Variants in TBL2 observed in about 807,000 individuals in gnomAD.
TBL2 encodes the protein transducin beta-like protein 2.
In TBL2, 33 loss-of-function variants were observed where a neutral mutation model predicts 41.8. The observed-to-expected ratio is 0.79, with a 90% CI of 0.60 to 1.06. TBL2 has a LOEUF of 1.06. TBL2 is among the 50% of genes least tolerant of loss of function. The pLI is 0.00. For synonymous variants in TBL2, 239 were observed against 241.7 expected, an observed-to-expected ratio of 0.99 and a Z score of 0.10; for missense variants, 522 against 603.8, an observed-to-expected ratio of 0.86 and a Z score of 1.42.
intron 1 of TBL2, chr7:73,574,845 G>A: frequency 2.5e-6 from 1 of 404,180 alleles, no homozygotes; most frequent in Non-Finnish European, 4.7e-6. Context: ...AAACAAAACA[G>A]AGGCTTTGGA....
In TBL2 at chr7:73,578,570, C is replaced by T; in HGVS notation, c.-21G>A. 6.3e-7 allele frequency: 1 copy of T among 1,582,466 alleles called. No homozygotes were observed. The highest frequency in any genetic ancestry group is 1.8e-4 in the Middle Eastern group (1 of 5,696). On this transcript the variant is annotated 5_prime_UTR_variant, in exon 1 of 7. Transcript: ENST00000305632. ...TCCATGTTGGTGGAACCACTGCCAC[C>T]TCAGCTAGTGAGTACGCGGGCGCCC...
chr7:73,571,267 TG>T lies in TBL2; in HGVS notation c.799del (p.Gln267ArgfsTer9), dbSNP rs782320944. On this transcript the variant is annotated frameshift_variant, in exon 6 of 7. Transcript: ENST00000305632. LOFTEE classifies it high-confidence loss of function. ...TAGTTCGAAGGCTCGCACCACCTCC[TG>T]GAACTCCCCCTTCTTTCCAAAGCAG... ...EVCFGKKGEF[Q>X]EVVRAFELKG... 1.2e-6 allele frequency: 2 copies of T among 1,614,200 alleles called. No individual in the cohort carries two copies. The highest frequency in any genetic ancestry group is 2.2e-5 in the East Asian group (1 of 44,886).
At position 73,568,998 on chromosome 7, in the gene TBL2, T is replaced by TG. The variant is rs1228858569; in HGVS notation, c.*1508dup. 6.6e-6 allele frequency: 1 copy of TG among 152,154 alleles called. No individual in the cohort carries two copies. Among genetic ancestry groups the TG allele is most frequent in the Non-Finnish European group, 1.5e-5 (1 of 68,020 alleles). 9.4% of individuals were successfully genotyped at this position (152,154 alleles called of 1,614,324 possible). ...TTATTCCAAGTGTGATGGGAAGCCTTGGGGGGTTTTAACTAGGGAATAATG... is the reference window on the plus strand; with the variant it reads ...TTATTCCAAGTGTGATGGGAAGCCTTGGGGGGGTTTTAACTAGGGAATAATG... On this transcript the variant is annotated 3_prime_UTR_variant, in exon 7 of 7. Coordinates refer to ENST00000305632, the MANE Select transcript of TBL2 (RefSeq NM_012453.4).
chr7:73,572,717 T>C, intron 5 of TBL2, 127 bp downstream of exon 5: 1 of 1,368,008 alleles, frequency 7.3e-7, no homozygotes, highest in Non-Finnish European at 1.0e-6. Flanking sequence ...AGCTGAGACT[T>C]GAAGCTCGGG....
chr7:73,578,329 C>A (rs1554589419), intron 1 of TBL2, 91 bp downstream of exon 1: 1 of 1,536,154 alleles, frequency 6.5e-7, no homozygotes, highest in East Asian at 2.5e-5. Context: ...CCGGGCCCCA[C>A]CAGCCGCGGG....
rs1793135177 is a variant in TBL2 at position 73,574,003 on chromosome 7, G to A, written c.381C>T (p.His127=). 5.6e-6 allele frequency: 9 copies of A among 1,614,216 alleles called. No individual in the cohort carries two copies. The highest frequency in any genetic ancestry group is 6.8e-6 in the Non-Finnish European group (8 of 1,180,052). The stretch of plus-strand genomic sequence containing the variant: ...GCTCCACGTTGGCTCTCATGCTGCG[G>A]TGCTCTCGCTGCAGGAAGTCCTTGG... ...WSTKDFLQRE[H]RSMRANVELD... is the part of the protein sequence containing the mutation. Residue 127 remains histidine, a synonymous_variant, in exon 3 of 7, where the codon CAC becomes CAT. Coordinates refer to ENST00000305632, the MANE Select transcript of TBL2 (RefSeq NM_012453.4).
intron 1 of TBL2, chr7:73,574,806 T>C (rs2115985459): frequency 2.0e-6 from 1 of 493,378 alleles, no homozygotes; most frequent in Non-Finnish European, 3.8e-6. Flanking sequence ...AGCAAGACCC[T>C]GTCTCAAAAA....
rs534800195 is a variant in TBL2 at position 73,567,584 on chromosome 7, A to G, written c.*2923T>C. Among the ~76,000 whole-genome samples the G allele has an allele frequency of 1.6e-4, 24 of 152,220 alleles. No individual in the cohort carries two copies. Among genetic ancestry groups the G allele is most frequent in the Non-Finnish European group, 3.2e-4 (22 of 68,008 alleles). On this transcript the variant is annotated 3_prime_UTR_variant, in exon 7 of 7. Transcript: ENST00000305632. ...TTTTTTTGAAAAATTTCACACCCACAGATGTTGAAATTATAATATTAAGAT... is the reference window on the plus strand; with the variant it reads ...TTTTTTTGAAAAATTTCACACCCACGGATGTTGAAATTATAATATTAAGAT...
chr7:73,571,147 G>A (rs1241521647), intron 6 of TBL2, 42 bp downstream of exon 6: 2 of 1,612,172 alleles, frequency 1.2e-6, no homozygotes, highest in East Asian at 2.2e-5. Context: ...TGTCAAGAGG[G>A]GCCAAGAGCC....
chr7:73,574,953 G>T, intron 1 of TBL2: 1 of 310,822 alleles, frequency 3.2e-6, no homozygotes, highest in Non-Finnish European at 6.4e-6. Flanking sequence ...GAGTGGAAAA[G>T]GCGCACTCTC....
intron 1 of TBL2, 74 bp from the exon 2 acceptor site, chr7:73,574,587 C>A (rs1554588542): frequency 6.2e-7 from 1 of 1,602,522 alleles, no homozygotes; most frequent in Admixed American, 1.7e-5. Context: ...ATGAGCCAGG[C>A]ATTGAGTGGA....
rs782468965 is a variant in TBL2, at chr7:73,569,886, A to G, written c.*621T>C. On this transcript the variant is annotated 3_prime_UTR_variant, in exon 7 of 7. Coordinates refer to ENST00000305632, the MANE Select transcript of TBL2 (RefSeq NM_012453.4). The stretch of plus-strand genomic sequence containing the variant: ...AAGCACACTGGTTCCCACTTTTACC[A>G]CTTTCATGACATTGGACAATAGTAC... 4 of 152,204 alleles carry G rather than the reference A, an allele frequency of 2.6e-5. No homozygotes were observed. Among genetic ancestry groups the G allele is most frequent in the Non-Finnish European group, 5.9e-5 (4 of 68,038 alleles). 9.4% of individuals were successfully genotyped at this position (152,204 alleles called of 1,614,324 possible).
chr7:73,578,563 C>CT lies in TBL2; in HGVS notation c.-15dup. 6.3e-7 allele frequency: 1 copy of CT among 1,586,014 alleles called. No homozygotes were observed. The highest frequency in any genetic ancestry group is 8.6e-7 in the Non-Finnish European group (1 of 1,168,452). On this transcript the variant is annotated 5_prime_UTR_variant, in exon 1 of 7. Coordinates refer to ENST00000305632, the MANE Select transcript of TBL2 (RefSeq NM_012453.4). The stretch of plus-strand genomic sequence containing the variant: ...CGAGAGCTCCATGTTGGTGGAACCA[C>CT]TGCCACCTCAGCTAGTGAGTACGCG...
intron 1 of TBL2, chr7:73,578,061 T>G: frequency 1.8e-6 from 1 of 561,136 alleles, no homozygotes; most frequent in East Asian, 3.2e-5. Flanking sequence ...GGGTCATAGA[T>G]GCCCAGTAAA....
intron 1 of TBL2, among the ~76,000 whole-genome samples, chr7:73,576,995 C>T (rs372533109): frequency 2.6e-5 from 4 of 152,020 alleles, no homozygotes; most frequent in African/African-American, 9.7e-5. Flanking sequence ...GGGTGGCTCA[C>T]GCCTGTAATC....
rs782741857 is a variant in TBL2 at position 73,573,434 on chromosome 7, G to C, written c.484C>G (p.Arg162Gly). The C allele has an allele frequency of 1.9e-6, 3 of 1,614,086 alleles. No individual in the cohort carries two copies. In the South Asian group the frequency reaches 3.3e-5, roughly 18 times the overall value. ...TCCCGCTTGGTCATCTTGAAGACAC[G>C]GAGGGTGTCCCCGTTGGCCAGCCAG... ...IVWLANGDTLRVFKMTKREDG... is the reference protein window; with the variant it reads ...IVWLANGDTLGVFKMTKREDG... The change falls in exon 4 of 7, where the codon CGT (arginine) becomes GGT (glycine). Residue 162 changes from arginine (R) to glycine (G), a missense_variant. By Grantham distance (125) the Arg-to-Gly change is moderately radical (BLOSUM62 -2). Transcript: ENST00000305632.
intron 6 of TBL2, 81 bp downstream of exon 6, chr7:73,571,108 A>G (rs1792915620): frequency 6.2e-6 from 10 of 1,601,680 alleles, no homozygotes; most frequent in Non-Finnish European, 8.5e-6. Flanking sequence ...CTTCAGAGCC[A>G]TGGCACAAAC....
chr7:73,571,016 C>A, intron 6 of TBL2, 44 bp from the exon 7 acceptor site: 2 of 1,570,748 alleles, frequency 1.3e-6, no homozygotes. Flanking sequence ...CACACCCTGG[C>A]AGGGTAAGCA....
chr7:73,574,240 C>A, intron 2 of TBL2, 118 bp from the exon 3 acceptor site: 1 of 1,523,670 alleles, frequency 6.6e-7, no homozygotes, highest in Non-Finnish European at 8.8e-7. Flanking sequence ...TGAGATTGGG[C>A]TGCGATGAGA....
Sources: allele counts gnomAD v4.1 joint callset (sites outside exome capture counted in the v4.1 genomes callset), GRCh38; gene constraint gnomAD v4.1.1; transcripts MANE v1.5; gene names NCBI Gene and HGNC (gene_info 2026-07-23, HGNC 2026-07-21).